Variants in GABPB1 observed in about 807,000 individuals in gnomAD.
The protein encoded by GABPB1 is GA binding protein transcription factor subunit beta 1, also known as GA-binding protein subunit beta-1.
GABPB1 carries 15 observed loss-of-function variants against 45.9 expected under a neutral mutation model. The ratio of observed to expected loss-of-function variants is 0.33; its 90% CI spans 0.22 to 0.50. GABPB1 has a LOEUF of 0.50. Among genes scored for constraint, GABPB1 ranks in the 20% least tolerant of loss-of-function variants. The pLI, the probability that GABPB1 is intolerant of heterozygous loss-of-function variation, is 0.98. For synonymous variants in GABPB1, 143 were observed against 154.4 expected, an observed-to-expected ratio of 0.93 and a Z score of 0.55; for missense variants, 252 against 457.5, an observed-to-expected ratio of 0.55 and a Z score of 4.10.
Position 50,299,469 on chromosome 15 carries a change from G to A in GABPB1, c.697+1320C>T, listed in dbSNP as rs187892817. 1.9e-3 allele frequency among the ~76,000 whole-genome samples: 293 copies of A among 152,150 alleles called. 6 individuals carry two copies. The highest frequency in any genetic ancestry group is 0.015 in the East Asian group (77 of 5,172). The stretch of plus-strand genomic sequence containing the variant: ...GGCTGGAGTGCAATGGCGTGATCTC[G>A]GCTCACCGCAACCTCCACCTCCCGG... On this transcript the variant is annotated intron_variant, in intron 6 of 8. Coordinates refer to ENST00000380877, the MANE Select transcript of GABPB1 (RefSeq NM_016654.5).
At chr15:50,289,449 A>AC (rs374604875) in intron 7 of GABPB1, 34 bp downstream of exon 7, 52 of 1,403,526 alleles carry the variant, frequency 3.7e-5, no homozygotes, top group Middle Eastern at 1.9e-4. Context: ...AAAAAAAAAA[A>AC]CATACAAACT....
chr15:50,354,831 G>C (rs1439010813), intron 1 of GABPB1, 154 bp downstream of exon 1: 3 of 230,918 alleles, frequency 1.3e-5, no homozygotes, highest in Non-Finnish European at 2.6e-5. Context: ...GAATAAGCGG[G>C]GCCAGGAGCC....
chr15:50,343,213 A>C (rs971927194), intron 1 of GABPB1, among the ~76,000 whole-genome samples: 1 of 151,622 alleles, frequency 6.6e-6, no homozygotes, highest in Non-Finnish European at 1.5e-5. Context: ...TTAACATTTG[A>C]AGCATAATCT....
At chr15:50,285,883 A>G in intron 8 of GABPB1, 185 bp downstream of exon 8, 59 of 1,360,630 alleles carry the variant, frequency 4.3e-5, no homozygotes, top group Non-Finnish European at 5.6e-5. Flanking sequence ...TCACTCATTC[A>G]TTCATTCAAT....
At chr15:50,308,608 T>A (rs995360642) in intron 2 of GABPB1, among the ~76,000 whole-genome samples, 2 of 152,294 alleles carry the variant, frequency 1.3e-5, no homozygotes, top group Middle Eastern at 3.4e-3. Context: ...CACTCTCAGG[T>A]CTTTAGCTTT....
intron 1 of GABPB1, among the ~76,000 whole-genome samples, chr15:50,312,853 G>A (rs1352218898): frequency 6.6e-6 from 1 of 152,082 alleles, no homozygotes; most frequent in Non-Finnish European, 1.5e-5. Flanking sequence ...TTTTGAAACT[G>A]GGTTGTCTGT....
At position 50,300,872 on chromosome 15, in the gene GABPB1, C is replaced by G; in HGVS notation, c.614G>C (p.Gly205Ala). The G allele has an allele frequency of 6.2e-7, 1 of 1,610,572 alleles. No homozygotes were observed. The highest frequency in any genetic ancestry group is 8.5e-7 in the Non-Finnish European group (1 of 1,177,048). Residue 205 changes from glycine to alanine, a missense_variant, in exon 6 of 9, where the codon GGA becomes GCA. Coordinates refer to ENST00000380877, the MANE Select transcript of GABPB1 (RefSeq NM_016654.5). ...DETGVSAVQF[G>A]NSSTSVLATL... ...AGCTAATACTGATGTAGAAGAGTTT[C>G]CAAACTGAACAGCAGATACACCCGT...
chr15:50,306,755 C>A (rs2046964210), intron 2 of GABPB1, among the ~76,000 whole-genome samples: 1 of 151,942 alleles, frequency 6.6e-6, no homozygotes, highest in Non-Finnish European at 1.5e-5. Context: ...ATCACTTATC[C>A]CTAAAAAATA....
chr15:50,300,429 G>GTTGTTTTTTTT (rs2046686919), intron 6 of GABPB1, among the ~76,000 whole-genome samples: 1 of 72,176 alleles, frequency 1.4e-5, no homozygotes. Context: ...ATCTGCAACT[G>GTTGTTTTTTTT]TTTTTGGTTT....
chr15:50,320,391 C>T (rs762871758), intron 1 of GABPB1, among the ~76,000 whole-genome samples: 1 of 152,232 alleles, frequency 6.6e-6, no homozygotes, highest in Admixed American at 6.5e-5. Flanking sequence ...TGGTCTCAAA[C>T]TCCTGACCTC....
In GABPB1 at chr15:50,355,190, A is replaced by G. The variant is rs1275300403; in HGVS notation, c.-206T>C. On this transcript the variant is annotated 5_prime_UTR_variant, in exon 1 of 9. The change abolishes an upstream ATG in the 5' untranslated region. Coordinates refer to ENST00000380877, the MANE Select transcript of GABPB1 (RefSeq NM_016654.5). The stretch of plus-strand genomic sequence containing the variant: ...CCCCGTGCTGCGCGCGGAGGGACAC[A>G]TGGTGTGCGAGTGAGTCAAGCTCCC... 3.3e-5 allele frequency: 5 copies of G among 152,992 alleles called. No homozygotes were observed. Among genetic ancestry groups the G allele is most frequent in the Non-Finnish European group, 7.3e-5 (5 of 68,236 alleles). The allele number at this position is 152,992 out of a possible 1,614,324, so 9.5% of individuals were successfully genotyped here.
At chr15:50,296,417 T>C (rs2046513332) in intron 6 of GABPB1, among the ~76,000 whole-genome samples, 1 of 152,138 alleles carries the variant, frequency 6.6e-6, no homozygotes, top group Non-Finnish European at 1.5e-5. Context: ...TTGCTTAAAA[T>C]AAGATAAAAT....
intron 7 of GABPB1, 66 bp from the exon 8 acceptor site, chr15:50,286,249 C>A: frequency 8.9e-7 from 1 of 1,126,294 alleles, no homozygotes; most frequent in Non-Finnish European, 1.2e-6. Context: ...TAAAACTAGT[C>A]TTGACATTGT....
intron 1 of GABPB1, among the ~76,000 whole-genome samples, chr15:50,328,450 T>A (rs927709847): frequency 3.9e-5 from 6 of 152,214 alleles, no homozygotes; most frequent in Admixed American, 1.3e-4. Context: ...GCATGTAATT[T>A]CTTGATCTTC....
At chr15:50,302,659 A>T (rs1257368601) in intron 4 of GABPB1, among the ~76,000 whole-genome samples, 1 of 133,674 alleles carries the variant, frequency 7.5e-6, no homozygotes, top group Non-Finnish European at 1.6e-5. Flanking sequence ...AAAAAAAAAA[A>T]AAAAAAAAAA....
chr15:50,279,333 G>C (rs904661251), intron 8 of GABPB1, among the ~76,000 whole-genome samples: 1 of 152,002 alleles, frequency 6.6e-6, no homozygotes, highest in African/African-American at 2.4e-5. Flanking sequence ...GGATTTATAG[G>C]GTTCTAACAT....
At chr15:50,297,371 C>T (rs1278152691) in intron 6 of GABPB1, among the ~76,000 whole-genome samples, 1 of 151,996 alleles carries the variant, frequency 6.6e-6, no homozygotes, top group Non-Finnish European at 1.5e-5. Context: ...CACCACCACA[C>T]CCAGCTAATT....
In GABPB1 at chr15:50,330,131, G is replaced by A. The variant is rs149164077; in HGVS notation, c.1-20333C>T. ...GTTGCCCAGGCTGGTCTCAAACTCC[G>A]GGGCTCAAGCAATCCTCCCACCTCA... On this transcript the variant is annotated intron_variant, in intron 1 of 8. Transcript: ENST00000380877. Among the ~76,000 whole-genome samples the A allele has an allele frequency of 9.2e-5, 14 of 151,588 alleles. No individual in the cohort carries two copies. In the East Asian group the frequency reaches 1.4e-3, roughly 15 times the overall value.
At chr15:50,334,327 T>C (rs991798841) in intron 1 of GABPB1, among the ~76,000 whole-genome samples, 1 of 152,024 alleles carries the variant, frequency 6.6e-6, no homozygotes, top group African/African-American at 2.4e-5. Context: ...TATCCCCATA[T>C]CTCTTACACT....
Sources: allele counts gnomAD v4.1 joint callset (sites outside exome capture counted in the v4.1 genomes callset), GRCh38; gene constraint gnomAD v4.1.1; transcripts MANE v1.5; gene names NCBI Gene and HGNC (gene_info 2026-07-23, HGNC 2026-07-21).